SLC25A48: variants seen among roughly 807,000 people sequenced by gnomAD.
SLC25A48 encodes CTC-321K16.1.
SLC25A48 carries 29 observed loss-of-function variants against 32.2 expected under a neutral mutation model. The ratio of observed to expected loss-of-function variants is 0.90; its 90% CI spans 0.67 to 1.23. The LOEUF is 1.23. Ranked by LOEUF, SLC25A48 falls within the 50% of genes most tolerant of loss-of-function variation. SLC25A48 has a pLI of 0.00. For missense variants in SLC25A48, 399 were observed against 422.7 expected (o/e 0.94, Z 0.49); for synonymous variants, 164 against 172.3 (o/e 0.95, Z 0.38).
intron 4 of SLC25A48, among the ~76,000 whole-genome samples, chr5:135,816,065 T>A (rs1348253443): frequency 6.6e-6 from 1 of 152,178 alleles, no homozygotes; most frequent in African/African-American, 2.4e-5. Context: ...AGGTGCCTTC[T>A]TCGCATGGTG....
At chr5:135,867,516 T>G (rs1012069195) in intron 4 of SLC25A48, among the ~76,000 whole-genome samples, 1 of 152,162 alleles carries the variant, frequency 6.6e-6, no homozygotes, top group Non-Finnish European at 1.5e-5. Flanking sequence ...CCCCCGGCTC[T>G]GCCACCCCCA....
chr5:135,670,532 A>G (rs1405945868), intron 3 of SLC25A48, among the ~76,000 whole-genome samples: 1 of 152,194 alleles, frequency 6.6e-6, no homozygotes, highest in Non-Finnish European at 1.5e-5. Context: ...TAGGCAAACC[A>G]CTTAACCATT....
intron 4 of SLC25A48, among the ~76,000 whole-genome samples, chr5:135,859,921 ACCT>A (rs571190722): frequency 1.1e-4 from 17 of 152,178 alleles, no homozygotes; most frequent in Non-Finnish European, 2.2e-4. Context: ...ATATCTTGTG[ACCT>A]CCTAAATAAT....
At chr5:135,587,165 G>A (rs1426734769) in intron 1 of SLC25A48, among the ~76,000 whole-genome samples, 1 of 152,060 alleles carries the variant, frequency 6.6e-6, no homozygotes, top group East Asian at 1.9e-4. Context: ...CAAGCAGCTG[G>A]GACTACAGGC....
At chr5:135,884,500 A>G (rs1762650105) in intron 7 of SLC25A48, among the ~76,000 whole-genome samples, 1 of 152,202 alleles carries the variant, frequency 6.6e-6, no homozygotes, top group South Asian at 2.1e-4. Flanking sequence ...TTTGCTGAGC[A>G]GATGCTGACC....
chr5:135,696,806 C>G (rs1419153038), intron 3 of SLC25A48, among the ~76,000 whole-genome samples: 2 of 152,300 alleles, frequency 1.3e-5, no homozygotes, highest in Admixed American at 1.3e-4. Context: ...TCCAGCCAAG[C>G]CTTTCCACCT....
At chr5:135,823,513 C>A (rs1191296442) in intron 4 of SLC25A48, among the ~76,000 whole-genome samples, 1 of 152,230 alleles carries the variant, frequency 6.6e-6, no homozygotes, top group Non-Finnish European at 1.5e-5. Context: ...CCCTCCCACC[C>A]TTCTTTCCTT....
chr5:135,815,563 A>G (rs562548843), intron 4 of SLC25A48, among the ~76,000 whole-genome samples: 21 of 152,198 alleles, frequency 1.4e-4, no homozygotes, highest in Non-Finnish European at 2.8e-4. Context: ...GCTGCCTTTG[A>G]ACTCTCTCTA....
At chr5:135,751,693 G>A (rs1348827335) in intron 3 of SLC25A48, among the ~76,000 whole-genome samples, 2 of 152,090 alleles carry the variant, frequency 1.3e-5, no homozygotes, top group Admixed American at 1.3e-4. Flanking sequence ...AATTAACTGG[G>A]CATGGTGGTG....
chr5:135,798,369 C>T (rs753867373), intron 3 of SLC25A48, among the ~76,000 whole-genome samples: 21 of 151,498 alleles, frequency 1.4e-4, no homozygotes, highest in Non-Finnish European at 2.4e-4. Context: ...AGAGAATGTT[C>T]TTACTCCCAA....
At chr5:135,873,500 C>T (rs771429235) in intron 5 of SLC25A48, among the ~76,000 whole-genome samples, 1 of 152,168 alleles carries the variant, frequency 6.6e-6, no homozygotes, top group Non-Finnish European at 1.5e-5. Context: ...CTGGCCCTTC[C>T]TTTGTGAGCA....
At chr5:135,736,900 A>G (rs4425500) in intron 3 of SLC25A48, among the ~76,000 whole-genome samples, 10,325 of 152,188 alleles carry the variant, frequency 0.068, 594 homozygotes, top group East Asian at 0.32. Flanking sequence ...GTTGAGGGAT[A>G]GTGAGAGAGG....
At chr5:135,868,974 G>A (rs1581035225) in intron 4 of SLC25A48, among the ~76,000 whole-genome samples, 2 of 152,202 alleles carry the variant, frequency 1.3e-5, no homozygotes, top group South Asian at 2.1e-4. Flanking sequence ...CAATTATATC[G>A]ATTCAGTTGA....
chr5:135,766,044 C>T (rs187490324), intron 3 of SLC25A48, among the ~76,000 whole-genome samples: 34 of 151,020 alleles, frequency 2.3e-4, no homozygotes, highest in African/African-American at 8.0e-4. Flanking sequence ...GTGCACCTCC[C>T]CCAAGGATAT....
chr5:135,700,371 C>CAAAAAAAAAAAAAAA (rs34125451), intron 3 of SLC25A48, among the ~76,000 whole-genome samples: 5 of 67,912 alleles, frequency 7.4e-5, no homozygotes, highest in Non-Finnish European at 1.0e-4. Context: ...GACTCTGTCT[C>CAAAAAAAAAAAAAAA]AAAAAAAAAA....
In SLC25A48 at chr5:135,762,063, C is replaced by T. The variant is rs558547384; in HGVS notation, c.-520-50460C>T. ...AGGTGACAGCTGGCACAGCACTGTC[C>T]GACAGAAGTTTCTGTAGAAATGTGC... On this transcript the variant is annotated intron_variant, in intron 3 of 10. Transcript: ENST00000646290. 7.2e-5 allele frequency among the ~76,000 whole-genome samples: 11 copies of T among 152,284 alleles called. No individual in the cohort carries two copies. In the South Asian group the frequency reaches 1.5e-3, roughly 20 times the overall value.
At chr5:135,585,070 G>A (rs1378683818) in intron 1 of SLC25A48, among the ~76,000 whole-genome samples, 1 of 152,254 alleles carries the variant, frequency 6.6e-6, no homozygotes, top group African/African-American at 2.4e-5. Context: ...TGCTGTGCAG[G>A]TGGCACTGCA....
intron 3 of SLC25A48, among the ~76,000 whole-genome samples, chr5:135,735,428 C>T (rs1755337608): frequency 6.6e-6 from 1 of 152,144 alleles, no homozygotes; most frequent in Admixed American, 6.5e-5. Context: ...CCTTCAAGGT[C>T]TAGGGCTGTA....
At chr5:135,802,636 T>G (rs1474262074) in intron 3 of SLC25A48, among the ~76,000 whole-genome samples, 1 of 150,332 alleles carries the variant, frequency 6.7e-6, no homozygotes, top group Non-Finnish European at 1.5e-5. Context: ...CCATGTGTGT[T>G]CACCCTGTGA....
Sources: gnomAD v4.1 joint callset for allele counts (sites outside exome capture counted in the v4.1 genomes callset) on GRCh38, gnomAD v4.1.1 for gene constraint, MANE v1.5 for transcripts, NCBI Gene and HGNC (gene_info 2026-07-23, HGNC 2026-07-21) for gene names.